Variants in STX8 observed in about 807,000 individuals in gnomAD.
The protein encoded by STX8 is syntaxin 8, also known as syntaxin-8.
In STX8, 23 loss-of-function variants were observed where a neutral mutation model predicts 37.5. The observed-to-expected ratio is 0.61, with a 90% CI of 0.44 to 0.87. The LOEUF is 0.87. Ranked by LOEUF, STX8 falls within the 40% of genes least tolerant of loss-of-function variation. STX8 has a pLI of 0.00. For synonymous variants in STX8, 115 were observed against 99.1 expected, an observed-to-expected ratio of 1.16 and a Z score of -0.95; for missense variants, 313 against 284.7, an observed-to-expected ratio of 1.10 and a Z score of -0.71.
chr17:9,311,536 G>A (rs143677626), intron 7 of STX8, among the ~76,000 whole-genome samples: 53 of 152,320 alleles, frequency 3.5e-4, no homozygotes, highest in Middle Eastern at 3.4e-3. Context: ...TAATATCCAT[G>A]AAATGAGGCA....
intron 6 of STX8, among the ~76,000 whole-genome samples, chr17:9,426,749 G>A (rs1012678055): frequency 2.6e-4 from 39 of 152,116 alleles, no homozygotes; most frequent in Admixed American, 2.4e-3. Context: ...GTGACAGTGC[G>A]AGACTGTCTC....
intron 6 of STX8, among the ~76,000 whole-genome samples, chr17:9,436,034 T>C (rs185427273): frequency 1.3e-5 from 2 of 152,240 alleles, no homozygotes; most frequent in East Asian, 1.9e-4. Context: ...ATATAATCCA[T>C]CTAGCTAAAT....
At chr17:9,382,364 C>T (rs1911854304) in intron 6 of STX8, among the ~76,000 whole-genome samples, 1 of 152,104 alleles carries the variant, frequency 6.6e-6, no homozygotes. Context: ...TCAACTATAT[C>T]AATAGTCACA....
intron 5 of STX8, among the ~76,000 whole-genome samples, chr17:9,492,371 T>TA (rs1330037742): frequency 2.6e-5 from 4 of 152,192 alleles, no homozygotes; most frequent in African/African-American, 4.8e-5. Context: ...GTATAAGGAT[T>TA]AAAAAGAATG....
intron 6 of STX8, among the ~76,000 whole-genome samples, chr17:9,379,836 C>T (rs374471628): frequency 1.3e-5 from 2 of 151,648 alleles, no homozygotes; most frequent in Admixed American, 6.6e-5. Flanking sequence ...GTCATGGTGG[C>T]GCATGCCTGT....
chr17:9,437,180 A>C (rs1904466191), intron 6 of STX8, among the ~76,000 whole-genome samples: 1 of 152,244 alleles, frequency 6.6e-6, no homozygotes, highest in Non-Finnish European at 1.5e-5. Context: ...ATCAATAGCA[A>C]ATATCGCGTT....
intron 6 of STX8, among the ~76,000 whole-genome samples, chr17:9,460,690 A>G (rs1320773796): frequency 8.2e-6 from 1 of 122,530 alleles, no homozygotes; most frequent in African/African-American, 3.7e-5. Flanking sequence ...AAAAAAAAAC[A>G]AAACAAAACT....
intron 2 of STX8, among the ~76,000 whole-genome samples, chr17:9,566,714 G>A (rs558375132): frequency 6.6e-6 from 1 of 152,158 alleles, no homozygotes; most frequent in African/African-American, 2.4e-5. Flanking sequence ...TTGAACCTGG[G>A]AGGCAGAGGA....
chr17:9,434,757 A>G (rs993172541), intron 6 of STX8, among the ~76,000 whole-genome samples: 5 of 152,254 alleles, frequency 3.3e-5, no homozygotes, highest in African/African-American at 1.2e-4. Flanking sequence ...CAGTGTGTCC[A>G]GAGCAGCAGC....
chr17:9,531,199 G>A (rs1400703699), intron 4 of STX8, among the ~76,000 whole-genome samples: 2 of 152,168 alleles, frequency 1.3e-5, no homozygotes, highest in Admixed American at 6.5e-5. Flanking sequence ...CTGGATAACT[G>A]GTCATGTGAG....
intron 6 of STX8, among the ~76,000 whole-genome samples, chr17:9,383,487 C>T (rs1179425534): frequency 6.6e-6 from 1 of 152,124 alleles, no homozygotes; most frequent in African/African-American, 2.4e-5. Flanking sequence ...CTGAGGAAGG[C>T]TATCTATATT....
chr17:9,349,316 CTTT>C (rs61627405), intron 7 of STX8, among the ~76,000 whole-genome samples: 36 of 109,770 alleles, frequency 3.3e-4, no homozygotes, highest in African/African-American at 1.1e-3. Flanking sequence ...ATTTTCTTTT[CTTT>C]TTTTTTTTTT....
At chr17:9,537,483 G>A (rs376289507) in intron 4 of STX8, among the ~76,000 whole-genome samples, 3 of 152,164 alleles carry the variant, frequency 2.0e-5, no homozygotes, top group Non-Finnish European at 2.9e-5. Flanking sequence ...TCACCTTTAC[G>A]TGACAGACTT....
At chr17:9,357,153 C>T (rs1430909225) in intron 7 of STX8, among the ~76,000 whole-genome samples, 8 of 151,374 alleles carry the variant, frequency 5.3e-5, no homozygotes, top group South Asian at 2.1e-4. Flanking sequence ...TTTTTAGAGA[C>T]GGGGTTTCGC....
intron 6 of STX8, among the ~76,000 whole-genome samples, chr17:9,387,364 C>A (rs553006572): frequency 6.6e-6 from 1 of 152,078 alleles, no homozygotes; most frequent in South Asian, 2.1e-4. Flanking sequence ...GGCACGATCT[C>A]GGCTCACTGC....
At chr17:9,374,608 G>A (rs1197137060) in intron 7 of STX8, among the ~76,000 whole-genome samples, 1 of 151,986 alleles carries the variant, frequency 6.6e-6, no homozygotes, top group African/African-American at 2.4e-5. Context: ...GTCAACAAAT[G>A]CATATATAAA....
chr17:9,339,001 G>A (rs1910237056), intron 7 of STX8, among the ~76,000 whole-genome samples: 1 of 150,562 alleles, frequency 6.6e-6, no homozygotes, highest in African/African-American at 2.5e-5. Flanking sequence ...AACCCGGGAA[G>A]CGGAGCTTGC....
At chr17:9,435,383 A>G (rs894058713) in intron 6 of STX8, among the ~76,000 whole-genome samples, 2 of 152,158 alleles carry the variant, frequency 1.3e-5, no homozygotes, top group Admixed American at 1.3e-4. Context: ...CCCCAATAAG[A>G]GCATGCAGAG....
At chr17:9,274,727 C>CA (rs1907604629) in intron 7 of STX8, among the ~76,000 whole-genome samples, 1 of 119,872 alleles carries the variant, frequency 8.3e-6, no homozygotes. Context: ...ACAAAGTCTT[C>CA]AAAAATACAA....
Sources: allele counts gnomAD v4.1 joint callset (sites outside exome capture counted in the v4.1 genomes callset), GRCh38; gene constraint gnomAD v4.1.1; transcripts MANE v1.5; gene names NCBI Gene and HGNC (gene_info 2026-07-23, HGNC 2026-07-21).